The following SNX13 variants were observed in gnomAD, a reference collection of about 807,000 sequenced individuals.
SNX13 encodes sorting nexin 13, also known as sorting nexin-13.
Under a neutral mutation model 133.6 loss-of-function variants are expected in SNX13, and 45 were observed. That is an observed-to-expected ratio of 0.34 (90% confidence interval 0.27 to 0.43). The LOEUF (loss-of-function observed/expected upper bound fraction) is 0.43, where lower values mean the gene tolerates loss of function less well. SNX13 is among the 20% of genes least tolerant of loss of function. The pLI, the probability that SNX13 is intolerant of heterozygous loss-of-function variation, is 1.00. For missense variants in SNX13, 1,032 were observed against 1,145.1 expected, an observed-to-expected ratio of 0.90 and a Z score of 1.43; for synonymous variants, 414 against 373.9, an observed-to-expected ratio of 1.11 and a Z score of -1.24.
intron 18 of SNX13, among the ~76,000 whole-genome samples, chr7:17,820,483 G>A (rs763440337): frequency 6.6e-6 from 1 of 151,996 alleles, no homozygotes; most frequent in Admixed American, 6.6e-5. Flanking sequence ...AGAAGAATGC[G>A]CATGTCCAAA....
rs536344842 is a variant in SNX13 at position 17,927,246 on chromosome 7, T to C, written c.12+13038A>G. On this transcript the variant is annotated intron_variant, in intron 1 of 25. Transcript: ENST00000428135. ...GTGCATGTGTGTATATATATATATG[T>C]ATATATATATATTAGAAACAGTGTC... 3.9e-3 allele frequency among the ~76,000 whole-genome samples: 585 copies of C among 149,418 alleles called. 5 individuals carry two copies. Among genetic ancestry groups the C allele is most frequent in the Non-Finnish European group, 3.7e-3 (250 of 67,446 alleles).
chr7:17,908,881 G>A (rs922425767), intron 1 of SNX13, among the ~76,000 whole-genome samples: 1 of 152,154 alleles, frequency 6.6e-6, no homozygotes, highest in Admixed American at 6.5e-5. Flanking sequence ...GGGCAGGGGG[G>A]TCAGTCAGAG....
chr7:17,816,484 A>G (rs1786679822), intron 18 of SNX13, among the ~76,000 whole-genome samples, 195 bp from the exon 19 acceptor site: 1 of 152,150 alleles, frequency 6.6e-6, no homozygotes. Context: ...CAACATAGAG[A>G]GACCCTGTCT....
intron 19 of SNX13, among the ~76,000 whole-genome samples, chr7:17,815,173 T>C (rs1273738968): frequency 6.6e-6 from 1 of 152,216 alleles, no homozygotes; most frequent in African/African-American, 2.4e-5. Flanking sequence ...ACTTTAAGTG[T>C]ATCTAATGTG....
chr7:17,804,310 T>C (rs1205892687), intron 20 of SNX13, among the ~76,000 whole-genome samples: 1 of 152,184 alleles, frequency 6.6e-6, no homozygotes. Context: ...TTTGAGTAGA[T>C]ACTGAACAGA....
At chr7:17,877,045 G>GAAAAAAAAAAAAAA (rs57618763) in intron 5 of SNX13, among the ~76,000 whole-genome samples, 5 of 60,066 alleles carry the variant, frequency 8.3e-5, no homozygotes, top group Non-Finnish European at 1.4e-4. Flanking sequence ...GTTACTTTTT[G>GAAAAAAAAAAAAAA]AAAAAAAAAA....
intron 2 of SNX13, among the ~76,000 whole-genome samples, chr7:17,897,065 T>A (rs775676994): frequency 9.2e-5 from 14 of 152,016 alleles, no homozygotes; most frequent in African/African-American, 1.7e-4. Context: ...ATTTGAAAAA[T>A]TTTTTAAACT....
chr7:17,911,637 CAAAAAA>C (rs77578497), intron 1 of SNX13, among the ~76,000 whole-genome samples: 1 of 118,708 alleles, frequency 8.4e-6, no homozygotes. Flanking sequence ...GACTCTGTCT[CAAAAAA>C]AAAAAAAAAA....
At chr7:17,835,457 ATTTGT>A (rs1789029502) in intron 13 of SNX13, among the ~76,000 whole-genome samples, 1 of 151,940 alleles carries the variant, frequency 6.6e-6, no homozygotes, top group Non-Finnish European at 1.5e-5. Context: ...CTTAAAATTA[ATTTGT>A]TTTAAGAACT....
intron 1 of SNX13, among the ~76,000 whole-genome samples, chr7:17,912,094 C>G (rs964271404): frequency 6.6e-6 from 1 of 152,178 alleles, no homozygotes; most frequent in Non-Finnish European, 1.5e-5. Flanking sequence ...ACTCTGCAAG[C>G]TTTAATTCAA....
In SNX13 at chr7:17,826,021, C is replaced by A; in HGVS notation, c.1705+1G>T. ...AATAATTATACTTCAAACTCTCTTACCTGTGTCTGAAATGTAGGCATGAAG... is the reference window on the plus strand; with the variant it reads ...AATAATTATACTTCAAACTCTCTTAACTGTGTCTGAAATGTAGGCATGAAG... On this transcript the variant is annotated splice_donor_variant, in intron 17 of 25. Coordinates refer to ENST00000428135, the MANE Select transcript of SNX13 (RefSeq NM_015132.5). LOFTEE classifies it high-confidence loss of function. The A allele has an allele frequency of 6.5e-7, 1 of 1,529,434 alleles. No homozygotes were observed. Among genetic ancestry groups the A allele is most frequent in the South Asian group, 1.3e-5 (1 of 79,018 alleles). The allele number at this position is 1,529,434 out of a possible 1,614,324, so 94.7% of individuals were successfully genotyped here.
At chr7:17,937,304 C>T (rs1802207484) in intron 1 of SNX13, among the ~76,000 whole-genome samples, 1 of 151,928 alleles carries the variant, frequency 6.6e-6, no homozygotes, top group Non-Finnish European at 1.5e-5. Flanking sequence ...ATAAAATGGT[C>T]CTTAATTGAT....
Position 17,845,596 on chromosome 7 carries a change from C to A in SNX13, c.1164G>T (p.Met388Ile). The A allele has an allele frequency of 6.4e-7, 1 of 1,571,990 alleles. No individual in the cohort carries two copies. The highest frequency in any genetic ancestry group is 8.6e-7 in the Non-Finnish European group (1 of 1,157,846). The stretch of plus-strand genomic sequence containing the variant: ...TTTAAATAGAATTGATCTACCTACC[C>A]ATAAAAAATTGTAGTGCAACATTGT... Reference protein sequence around the residue: ...LVDNVALQFFMDYMQQTGGQA... With the variant: ...LVDNVALQFFIDYMQQTGGQA... Residue 388 changes from methionine (M) to isoleucine (I), a missense_variant and splice_region_variant, in exon 12 of 26, where the codon ATG (methionine) becomes ATT (isoleucine). Coordinates refer to ENST00000428135, the MANE Select transcript of SNX13 (RefSeq NM_015132.5).
intron 8 of SNX13, among the ~76,000 whole-genome samples, chr7:17,872,419 T>C (rs1159328859): frequency 6.6e-6 from 1 of 152,182 alleles, no homozygotes; most frequent in Non-Finnish European, 1.5e-5. Context: ...GCCAAATGGA[T>C]ACTCTGCATG....
chr7:17,795,272 A>G (rs1164661440), intron 25 of SNX13: 2 of 151,730 alleles, frequency 1.3e-5, no homozygotes, highest in Non-Finnish European at 3.0e-5. Flanking sequence ...ATTACAAATA[A>G]TTATTCATAA....
chr7:17,904,776 G>A (rs1329934293), intron 1 of SNX13, among the ~76,000 whole-genome samples: 2 of 152,206 alleles, frequency 1.3e-5, no homozygotes, highest in African/African-American at 4.8e-5. Flanking sequence ...GTAGCCATAA[G>A]AAGAGTGGTC....
At chr7:17,904,949 A>G (rs778757432) in intron 1 of SNX13, among the ~76,000 whole-genome samples, 3 of 152,136 alleles carry the variant, frequency 2.0e-5, no homozygotes, top group Non-Finnish European at 2.9e-5. Flanking sequence ...GAAGCTGCTC[A>G]TTAAGTATGA....
At chr7:17,899,136 C>G (rs1797539071) in intron 1 of SNX13, 1 of 152,072 alleles carries the variant, frequency 6.6e-6, no homozygotes, top group Non-Finnish European at 1.5e-5. Context: ...TATGGCATGC[C>G]ACTCTCTCCT....
intron 22 of SNX13, 24 bp downstream of exon 22, chr7:17,801,564 C>T (rs984131788): frequency 1.3e-6 from 2 of 1,579,392 alleles, no homozygotes; most frequent in Non-Finnish European, 1.7e-6. Context: ...AAACTAAATA[C>T]TACCAAGAAT....
Sources: gnomAD v4.1 joint callset for allele counts (sites outside exome capture counted in the v4.1 genomes callset) on GRCh38, gnomAD v4.1.1 for gene constraint, MANE v1.5 for transcripts, NCBI Gene and HGNC (gene_info 2026-07-23, HGNC 2026-07-21) for gene names.